The following DRD2 variants were observed in gnomAD, a reference collection of about 807,000 sequenced individuals.
The protein encoded by DRD2 is dopamine receptor D2.
Under a neutral mutation model 38.0 loss-of-function variants are expected in DRD2, and 8 were observed. That is an observed-to-expected ratio of 0.21 (90% CI 0.12 to 0.38). The LOEUF is 0.38. DRD2 is among the 10% of genes least tolerant of loss of function. The probability of loss-of-function intolerance (pLI) is 1.00; values close to 1 mark genes in which losing one functional copy is unlikely to be tolerated. For synonymous variants in DRD2, 230 were observed against 238.6 expected (o/e 0.96, Z 0.33); for missense variants, 403 against 607.7 (o/e 0.66, Z 3.54).
intron 1 of DRD2, among the ~76,000 whole-genome samples, chr11:113,470,675 T>C (rs371191259): frequency 6.6e-6 from 1 of 152,232 alleles, no homozygotes; most frequent in African/African-American, 2.4e-5. Flanking sequence ...TCAATGCATA[T>C]TTAACATCAG....
chr11:113,411,072 C>T, intron 7 of DRD2, 152 bp from the exon 8 acceptor site: 1 of 744,934 alleles, frequency 1.3e-6, no homozygotes, highest in Non-Finnish European at 2.2e-6. Context: ...GATCCTAGAC[C>T]TGCCTCTGAC....
intron 1 of DRD2, among the ~76,000 whole-genome samples, chr11:113,454,609 T>C (rs1951250032): frequency 6.6e-6 from 1 of 152,126 alleles, no homozygotes; most frequent in East Asian, 1.9e-4. Context: ...AAAGCTTCAC[T>C]CTCTACTCAG....
chr11:113,414,276 T>C (rs1950799748), intron 6 of DRD2, 99 bp downstream of exon 6: 9 of 1,138,806 alleles, frequency 7.9e-6, no homozygotes, highest in Admixed American at 3.4e-5. Flanking sequence ...TCTGGGGTGC[T>C]TCTCCCATTG....
intron 2 of DRD2, among the ~76,000 whole-genome samples, chr11:113,419,501 G>A (rs1186013554): frequency 5.1e-5 from 2 of 39,566 alleles, no homozygotes; most frequent in African/African-American, 9.7e-5. Flanking sequence ...CCCTCCCCAC[G>A]TAACACCCAT....
intron 1 of DRD2, among the ~76,000 whole-genome samples, chr11:113,464,825 G>A (rs566541296): frequency 1.4e-3 from 209 of 152,234 alleles, no homozygotes; most frequent in Non-Finnish European, 2.6e-3. Flanking sequence ...TTAGGTTTCT[G>A]GCCCAATATG....
At chr11:113,436,037 C>T (rs1037825290) in intron 1 of DRD2, among the ~76,000 whole-genome samples, 5 of 152,190 alleles carry the variant, frequency 3.3e-5, no homozygotes, top group East Asian at 1.9e-4. Flanking sequence ...TGGAAACCTC[C>T]GGAAGCCCTT....
intron 1 of DRD2, among the ~76,000 whole-genome samples, chr11:113,435,685 C>T (rs1951029450): frequency 7.2e-6 from 1 of 139,264 alleles, no homozygotes; most frequent in African/African-American, 2.6e-5. Context: ...AGAAAAAAAT[C>T]TGGGAAGTTG....
intron 1 of DRD2, among the ~76,000 whole-genome samples, chr11:113,446,404 C>T (rs971223458): frequency 1.8e-4 from 28 of 152,238 alleles, no homozygotes; most frequent in Admixed American, 5.9e-4. Context: ...TCACCGTATA[C>T]TGGACACTGT....
At chr11:113,447,890 C>A (rs1951167863) in intron 1 of DRD2, among the ~76,000 whole-genome samples, 1 of 152,184 alleles carries the variant, frequency 6.6e-6, no homozygotes, top group Non-Finnish European at 1.5e-5. Flanking sequence ...GATGCGATCT[C>A]CAGCCTTGTC....
At chr11:113,448,009 C>T (rs934381463) in intron 1 of DRD2, among the ~76,000 whole-genome samples, 1 of 151,974 alleles carries the variant, frequency 6.6e-6, no homozygotes, top group African/African-American at 2.4e-5. Flanking sequence ...TGTCTGAGGC[C>T]ATGATGAAGG....
At position 113,415,454 on chromosome 11, in the gene DRD2, T is replaced by A. The variant is rs199961951; in HGVS notation, c.690A>T (p.Arg230=). ...GAGCCCTCAGGTGGGCCCTGAAAGC[T>A]CGGCTGCTGCGTTTGGTGTTGACTC... is the stretch of plus-strand genomic sequence containing the variant. ...RKRVNTKRSS[R]AFRAHLRAPL... The change falls in exon 5 of 8, where the codon CGA becomes CGT. Residue 230 remains arginine (R), a synonymous_variant. Coordinates refer to ENST00000362072, the MANE Select transcript of DRD2 (RefSeq NM_000795.4). The A allele has an allele frequency of 6.2e-7, 1 of 1,613,922 alleles. No homozygotes were observed. Among genetic ancestry groups the A allele is most frequent in the Non-Finnish European group, 8.5e-7 (1 of 1,179,872 alleles).
At chr11:113,472,197 A>G (rs1951434844) in intron 1 of DRD2, among the ~76,000 whole-genome samples, 2 of 152,246 alleles carry the variant, frequency 1.3e-5, no homozygotes, top group Admixed American at 1.3e-4. Flanking sequence ...ACACATACAC[A>G]TACACACAGT....
At chr11:113,435,528 C>T (rs1951027368) in intron 1 of DRD2, among the ~76,000 whole-genome samples, 1 of 152,052 alleles carries the variant, frequency 6.6e-6, no homozygotes, top group African/African-American at 2.4e-5. Context: ...GGCTGGGGCC[C>T]CCTCCCTGAG....
At chr11:113,466,560 G>A (rs1156536316) in intron 1 of DRD2, among the ~76,000 whole-genome samples, 3 of 152,196 alleles carry the variant, frequency 2.0e-5, no homozygotes, top group Non-Finnish European at 1.5e-5. Context: ...GGCTGAGGGT[G>A]GCCAGATAGT....
Position 113,432,816 on chromosome 11 carries a change from A to C in DRD2, c.-31-8134T>G, listed in dbSNP as rs544247363. The stretch of plus-strand genomic sequence containing the variant: ...TGGACCTTCTTTTAGCATCTCTTGC[A>C]ACTTCAAAAAGGCAGCATGGAAATG... On this transcript the variant is annotated intron_variant, in intron 1 of 7. Transcript: ENST00000362072. 1.8e-3 allele frequency among the ~76,000 whole-genome samples: 269 copies of C among 152,318 alleles called. 1 individual carries two copies. The highest frequency in any genetic ancestry group is 2.8e-3 in the Non-Finnish European group (191 of 68,038).
intron 1 of DRD2, among the ~76,000 whole-genome samples, chr11:113,437,928 G>A (rs1000942845): frequency 4.6e-5 from 7 of 152,210 alleles, no homozygotes; most frequent in African/African-American, 1.7e-4. Context: ...AGAGCAGAGA[G>A]GCAGTCTCCT....
At chr11:113,424,762 A>G (rs1950923776) in intron 1 of DRD2, 80 bp from the exon 2 acceptor site, 1 of 1,349,152 alleles carries the variant, frequency 7.4e-7, no homozygotes, top group South Asian at 1.2e-5. Context: ...AACTCCTGGC[A>G]TTTAATAATG....
intron 1 of DRD2, among the ~76,000 whole-genome samples, chr11:113,473,355 G>T (rs1338235380): frequency 6.6e-6 from 1 of 152,122 alleles, no homozygotes; most frequent in Admixed American, 6.5e-5. Flanking sequence ...CTGGGCCTCC[G>T]CTTGAGATTC....
At chr11:113,412,408 C>T (rs1950777267) in intron 7 of DRD2, 148 bp downstream of exon 7, 2 of 981,504 alleles carry the variant, frequency 2.0e-6, no homozygotes, top group Non-Finnish European at 3.1e-6. Context: ...CAGAATCTAC[C>T]TAATAGGGCT....
Sources: allele counts gnomAD v4.1 joint callset (sites outside exome capture counted in the v4.1 genomes callset), GRCh38; gene constraint gnomAD v4.1.1; transcripts MANE v1.5; gene names NCBI Gene and HGNC (gene_info 2026-07-23, HGNC 2026-07-21).